Variants in NUP210 observed in about 807,000 individuals in gnomAD.
NUP210 encodes nuclear pore membrane glycoprotein 210.
A neutral mutation model predicts 196.0 loss-of-function variants in NUP210; 151 were observed. That is an observed-to-expected ratio of 0.77 (90% CI 0.67 to 0.88). The LOEUF (loss-of-function observed/expected upper bound fraction) is 0.88. Among genes scored for constraint, NUP210 ranks in the 40% least tolerant of loss-of-function variants. The probability of loss-of-function intolerance (pLI) is 0.00; values close to 1 mark genes in which losing one functional copy is unlikely to be tolerated. For missense variants in NUP210, 2,314 were observed against 2,493.7 expected (o/e 0.93, Z 1.53); for synonymous variants, 1,070 against 1,052.7 (o/e 1.02, Z -0.32).
chr3:13,343,342 G>GGGGGGGGGGGGGGGGGGGGGGGGGGGGGC, intron 20 of NUP210, 39 bp from the exon 21 acceptor site: 6 of 655,982 alleles, frequency 9.1e-6, no homozygotes, highest in East Asian at 4.4e-5. Context: ...TGGGTGGTGG[G>GGGGGGGGGGGGGGGGGGGGGGGGGGGGGC]TTACGCAGCT....
chr3:13,415,688 TTTTTA>T (rs1277554480), intron 1 of NUP210, among the ~76,000 whole-genome samples: 1 of 152,154 alleles, frequency 6.6e-6, no homozygotes, highest in Non-Finnish European at 1.5e-5. Context: ...CTTTGTGAAT[TTTTTA>T]TTTTGACTAT....
chr3:13,407,798 T>C (rs4684936), intron 1 of NUP210, among the ~76,000 whole-genome samples: 58,322 of 152,032 alleles, frequency 0.38, 11,655 homozygotes, highest in Middle Eastern at 0.46. Flanking sequence ...CATCCACTTA[T>C]TGAAACCATA....
chr3:13,381,609 T>C (rs1332306590), intron 6 of NUP210, among the ~76,000 whole-genome samples: 1 of 151,904 alleles, frequency 6.6e-6, no homozygotes, highest in Non-Finnish European at 1.5e-5. Flanking sequence ...ACTCACTCCT[T>C]GTAAGAGACA....
Position 13,388,707 on chromosome 3 carries a change from C to G in NUP210, c.534-254G>C, listed in dbSNP as rs537089733. Among the ~76,000 whole-genome samples the G allele has an allele frequency of 3.3e-5, 5 of 152,372 alleles. No homozygotes were observed. The East Asian group carries it at 9.6e-4, about 29-fold the overall frequency. ...CTTTGTCTCCAAGATGCCTGGGAATCTGCATTTTATCCACACGCACACGTG... is the reference window on the plus strand; with the variant it reads ...CTTTGTCTCCAAGATGCCTGGGAATGTGCATTTTATCCACACGCACACGTG... On this transcript the variant is annotated intron_variant, in intron 4 of 39. Transcript: ENST00000254508.
chr3:13,320,935 C>T (rs140444229), intron 36 of NUP210, among the ~76,000 whole-genome samples: 2 of 152,092 alleles, frequency 1.3e-5, no homozygotes, highest in East Asian at 1.9e-4. Flanking sequence ...TATCACCAAG[C>T]ACCAGCTCTC....
In NUP210 at chr3:13,360,283, G is replaced by A; in HGVS notation, c.2141C>T (p.Ala714Val). 1.9e-6 allele frequency: 3 copies of A among 1,614,144 alleles called. No individual in the cohort carries two copies. The highest frequency in any genetic ancestry group is 1.7e-4 in the Middle Eastern group (1 of 6,060). Reference protein sequence around the residue: ...QQHWILVTCQALGEQVIALSV... With the variant: ...QQHWILVTCQVLGEQVIALSV... The stretch of plus-strand genomic sequence containing the variant: ...CTGCCCACTCACCTGCTCACCCAAG[G>A]CCTGACAGGTCACAAGGATCCAGTG... Residue 714 changes from alanine to valine, a missense_variant, in exon 15 of 40, where the codon GCC (alanine) becomes GTC (valine). Transcript: ENST00000254508.
Position 13,386,303 on chromosome 3 carries a change from C to A in NUP210, c.789G>T (p.Val263=). The A allele has an allele frequency of 6.2e-7, 1 of 1,614,056 alleles. No homozygotes were observed. Among genetic ancestry groups the A allele is most frequent in the South Asian group, 1.1e-5 (1 of 91,060 alleles). ...LMVGTSIHYK[V]QKIRQGKITE... ...TAATTTTCCCTTGCCTGATCTTCTG[C>A]ACCTTGTAGTGAATGGAGGTTCCCA... Residue 263 remains valine, a synonymous_variant, in exon 6 of 40, where the codon GTG becomes GTT. Coordinates refer to ENST00000254508, the MANE Select transcript of NUP210 (RefSeq NM_024923.4).
At chr3:13,366,842 C>T (rs1346102649) in intron 13 of NUP210, among the ~76,000 whole-genome samples, 1 of 151,292 alleles carries the variant, frequency 6.6e-6, no homozygotes, top group Non-Finnish European at 1.5e-5. Context: ...ATATTTAATT[C>T]AGCCAGGCAC....
chr3:13,369,058 A>C (rs1448482504), intron 13 of NUP210, among the ~76,000 whole-genome samples: 2 of 152,234 alleles, frequency 1.3e-5, no homozygotes, highest in East Asian at 3.8e-4. Flanking sequence ...CCAGCAGCAC[A>C]TAAGAGTTCC....
chr3:13,397,558 C>A lies in NUP210; in HGVS notation c.305-70G>T, dbSNP rs903801755. The A allele has an allele frequency of 8.2e-6, 12 of 1,461,468 alleles. No homozygotes were observed. In the African/African-American group the frequency reaches 1.4e-4, roughly 18 times the overall value. The allele number at this position is 1,461,468 out of a possible 1,614,324, so 90.5% of individuals were successfully genotyped here. A position where few individuals can be genotyped will look rare whatever the true frequency, so the allele number is the denominator to read the frequency against. ...CCCCTGGCTCCACTTCCAAGCCTTG[C>A]AGGCTTACACTCTGGCAAAGACCAC... On this transcript the variant is annotated intron_variant, in intron 2 of 39. Transcript: ENST00000254508.
In NUP210 at chr3:13,388,339, G is replaced by A; in HGVS notation, c.648C>T (p.Ser216=). ...ILVSGMKTGS[S]KLKARIQEAV... is the part of the protein sequence containing the mutation. ...CCTCCTGGATGCGAGCCTTGAGCTT[G>A]GAGCTCCCGGTCTTCATCCCAGACA... The change falls in exon 5 of 40, where the codon TCC becomes TCT. Residue 216 remains serine (S), a synonymous_variant. Coordinates refer to ENST00000254508, the MANE Select transcript of NUP210 (RefSeq NM_024923.4). 1 of 1,612,370 alleles carries A rather than the reference G, an allele frequency of 6.2e-7. No homozygotes were observed. Among genetic ancestry groups the A allele is most frequent in the Non-Finnish European group, 8.5e-7 (1 of 1,179,320 alleles).
At chr3:13,341,698 A>G (rs1697502391) in intron 23 of NUP210, 50 bp downstream of exon 23, 1 of 1,606,844 alleles carries the variant, frequency 6.2e-7, no homozygotes, top group Non-Finnish European at 8.5e-7. Flanking sequence ...GACACTCCCA[A>G]CCCCCAGCAC....
At chr3:13,343,464 G>T (rs979406126) in intron 20 of NUP210, among the ~76,000 whole-genome samples, 161 bp from the exon 21 acceptor site, 1 of 152,190 alleles carries the variant, frequency 6.6e-6, no homozygotes, top group South Asian at 2.1e-4. Context: ...GGGAAGCAGT[G>T]GACAAGGGAA....
intron 28 of NUP210, among the ~76,000 whole-genome samples, chr3:13,334,923 T>C (rs1046002841): frequency 2.0e-5 from 3 of 152,144 alleles, no homozygotes; most frequent in African/African-American, 7.2e-5. Flanking sequence ...TCCCCAGGCC[T>C]CTTGAGGCCA....
intron 1 of NUP210, among the ~76,000 whole-genome samples, chr3:13,413,263 C>G (rs1377408819): frequency 1.3e-5 from 2 of 151,704 alleles, no homozygotes; most frequent in African/African-American, 2.4e-5. Flanking sequence ...GTCAGGAGAT[C>G]GAGACCATCC....
intron 13 of NUP210, among the ~76,000 whole-genome samples, chr3:13,369,474 C>T (rs539857818): frequency 5.3e-5 from 8 of 151,958 alleles, no homozygotes; most frequent in South Asian, 2.1e-4. Context: ...TGGTGTTATA[C>T]CTAAAAAAAA....
intron 3 of NUP210, among the ~76,000 whole-genome samples, chr3:13,392,072 T>C (rs1183333792): frequency 6.6e-6 from 1 of 152,134 alleles, no homozygotes; most frequent in Non-Finnish European, 1.5e-5. Flanking sequence ...CCCCTGATGT[T>C]CCACGCCTGT....
Position 13,330,471 on chromosome 3 carries a change from CAAT to C in NUP210, c.4096_4098del (p.Ile1366del). On this transcript the variant is annotated inframe_deletion, in exon 30 of 40. Coordinates refer to ENST00000254508, the MANE Select transcript of NUP210 (RefSeq NM_024923.4). ...GAATGCAACCCTACCTTTACAGCAA[CAAT>C]GATGGTTTGGTTGGCCCCAAAGGGC... 6.2e-7 allele frequency: 1 copy of C among 1,614,006 alleles called. No homozygotes were observed. Among genetic ancestry groups the C allele is most frequent in the South Asian group, 1.1e-5 (1 of 91,042 alleles).
chr3:13,369,028 C>T (rs1698637918), intron 13 of NUP210, among the ~76,000 whole-genome samples: 1 of 152,248 alleles, frequency 6.6e-6, no homozygotes, highest in African/African-American at 2.4e-5. Flanking sequence ...TCCACAGCAG[C>T]AGCACCTTTC....
Sources: allele counts gnomAD v4.1 joint callset (sites outside exome capture counted in the v4.1 genomes callset), GRCh38; gene constraint gnomAD v4.1.1; transcripts MANE v1.5; gene names NCBI Gene and HGNC (gene_info 2026-07-23, HGNC 2026-07-21).